The following UBR3 variants were observed in gnomAD, a reference collection of about 807,000 sequenced individuals.
UBR3 encodes ubiquitin protein ligase E3 component n-recognin 3.
In UBR3, 85 loss-of-function variants were observed where a neutral mutation model predicts 243.2. The ratio of observed to expected loss-of-function variants is 0.35; its 90% CI spans 0.29 to 0.42. The LOEUF is 0.42. UBR3 is among the 10% of genes least tolerant of loss of function. The probability of loss-of-function intolerance (pLI) is 1.00; values close to 1 mark genes in which losing one functional copy is unlikely to be tolerated. For synonymous variants in UBR3, 748 were observed against 799.8 expected (o/e 0.94, Z 1.09); for missense variants, 1,686 against 2,300.8 (o/e 0.73, Z 5.47).
Position 170,000,387 on chromosome 2 carries a change from A to T in UBR3, c.3919-917A>T, listed in dbSNP as rs80124070. ...AGAACCACTTCTCCCACTCCGTGGG[A>T]TATAGACTTGAATATTATGTACTGG... On this transcript the variant is annotated intron_variant, in intron 26 of 38. Coordinates refer to ENST00000272793, the MANE Select transcript of UBR3 (RefSeq NM_172070.4). Among the ~76,000 whole-genome samples, 743 of 152,368 alleles carry T rather than the reference A, an allele frequency of 4.9e-3. 5 individuals are homozygous for T. Among genetic ancestry groups the T allele is most frequent in the African/African-American group, 0.016 (670 of 41,590 alleles).
intron 24 of UBR3, among the ~76,000 whole-genome samples, chr2:169,972,531 A>C (rs540366108): frequency 5.9e-5 from 9 of 152,066 alleles, no homozygotes; most frequent in Admixed American, 3.9e-4. Context: ...TACTGGCAAA[A>C]CGAATCCAGC....
intron 1 of UBR3, among the ~76,000 whole-genome samples, chr2:169,851,272 G>A (rs1475504262): frequency 2.6e-5 from 4 of 152,108 alleles, no homozygotes; most frequent in African/African-American, 9.7e-5. Context: ...ACACAGGTGT[G>A]TGCCACCATG....
At chr2:170,054,384 C>T (rs13424575) in intron 32 of UBR3, among the ~76,000 whole-genome samples, 5 of 151,690 alleles carry the variant, frequency 3.3e-5, no homozygotes, top group Middle Eastern at 3.2e-3. Context: ...CGGGTTCAAG[C>T]GATTCTCCTG....
intron 5 of UBR3, among the ~76,000 whole-genome samples, chr2:169,882,248 GTATA>G (rs1419951029): frequency 2.3e-5 from 3 of 129,900 alleles, no homozygotes; most frequent in African/African-American, 8.8e-5. Flanking sequence ...TATTGTATAT[GTATA>G]TATATTTATA....
chr2:169,931,458 AAGATGAAT>A (rs2086127072), intron 18 of UBR3, among the ~76,000 whole-genome samples: 1 of 152,000 alleles, frequency 6.6e-6, no homozygotes, highest in African/African-American at 2.4e-5. Flanking sequence ...CTGATACTTT[AAGATGAAT>A]AGCTTGTTAC....
Position 170,070,353 on chromosome 2 carries a change from G to A in UBR3, c.5020-3075G>A, listed in dbSNP as rs190107643. On this transcript the variant is annotated intron_variant, in intron 35 of 38. Coordinates refer to ENST00000272793, the MANE Select transcript of UBR3 (RefSeq NM_172070.4). ...CTAGGAATAGAAGGGAATTTTCTCAGCCTGATAAAAGAGCATATCAAAAAC... is the reference window on the plus strand; with the variant it reads ...CTAGGAATAGAAGGGAATTTTCTCAACCTGATAAAAGAGCATATCAAAAAC... Among the ~76,000 whole-genome samples, 6 of 152,214 alleles carry A rather than the reference G, an allele frequency of 3.9e-5. No individual in the cohort carries two copies. In the East Asian group the frequency reaches 1.2e-3, roughly 29 times the overall value.
chr2:169,854,594 CTT>C (rs1471761922), intron 1 of UBR3, among the ~76,000 whole-genome samples: 1 of 151,966 alleles, frequency 6.6e-6, no homozygotes, highest in Non-Finnish European at 1.5e-5. Flanking sequence ...ATATTATAAA[CTT>C]ACATACACAG....
intron 30 of UBR3, chr2:170,017,006 CAT>C (rs994757450): frequency 1.4e-3 from 286 of 209,398 alleles, no homozygotes; most frequent in South Asian, 2.4e-3. Flanking sequence ...GCCTGTAAGT[CAT>C]ATATATATAT....
In UBR3 at chr2:170,082,049, C is replaced by T. The variant is rs1468695684; in HGVS notation, c.*206C>T. The T allele has an allele frequency of 2.6e-6, 1 of 380,140 alleles. No individual in the cohort carries two copies. The highest frequency in any genetic ancestry group is 2.1e-5 in the African/African-American group (1 of 47,734). The allele number at this position is 380,140 out of a possible 1,614,324, so 23.5% of individuals were successfully genotyped here. On this transcript the variant is annotated 3_prime_UTR_variant, in exon 39 of 39. Coordinates refer to ENST00000272793, the MANE Select transcript of UBR3 (RefSeq NM_172070.4). ...TTTAATATCTGGAGAACATTAATAA[C>T]AAGTTAAATTATTCTTTAGTGGTCA... is the stretch of plus-strand genomic sequence containing the variant.
intron 18 of UBR3, 29 bp from the exon 19 acceptor site, chr2:169,932,880 AGTC>A (rs992431267): frequency 6.8e-7 from 1 of 1,473,148 alleles, no homozygotes; most frequent in African/African-American, 1.4e-5. Flanking sequence ...ATTTCTGAGA[AGTC>A]AATGTTTCTA....
intron 1 of UBR3, among the ~76,000 whole-genome samples, chr2:169,832,594 A>G (rs2081974459): frequency 6.6e-6 from 1 of 151,092 alleles, no homozygotes; most frequent in South Asian, 2.1e-4. Flanking sequence ...AACTGTATGT[A>G]TAACTACAGT....
At chr2:169,880,868 T>C (rs1390719798) in intron 5 of UBR3, among the ~76,000 whole-genome samples, 1 of 152,150 alleles carries the variant, frequency 6.6e-6, no homozygotes, top group African/African-American at 2.4e-5. Flanking sequence ...GGTATTTGGT[T>C]TTCTGTTCCT....
At chr2:169,989,268 A>C (rs926517322) in intron 25 of UBR3, among the ~76,000 whole-genome samples, 1 of 152,086 alleles carries the variant, frequency 6.6e-6, no homozygotes, top group African/African-American at 2.4e-5. Context: ...CAGTGTTTAA[A>C]ATTTTCCCAT....
chr2:170,046,638 G>C (rs2091095943), intron 32 of UBR3, among the ~76,000 whole-genome samples: 1 of 152,178 alleles, frequency 6.6e-6, no homozygotes, highest in South Asian at 2.1e-4. Flanking sequence ...TTATGTGACA[G>C]TAGAAGCTAT....
Position 169,928,577 on chromosome 2 carries a change from TTG to T in UBR3, c.2425-148_2425-147del, listed in dbSNP as rs1337059016. ...ATTAAAAACAGTTATTATTGATCTGTTGTATTATATAGCCCTCTTGTGGCCAG... is the reference window on the plus strand; with the variant it reads ...ATTAAAAACAGTTATTATTGATCTGTTATTATATAGCCCTCTTGTGGCCAG... On this transcript the variant is annotated intron_variant, in intron 17 of 38. Coordinates refer to ENST00000272793, the MANE Select transcript of UBR3 (RefSeq NM_172070.4). 3.5e-5 allele frequency: 16 copies of T among 463,532 alleles called. No homozygotes were observed. The Admixed American group carries it at 3.5e-4, about 10-fold the overall frequency. 28.7% of individuals were successfully genotyped at this position (463,532 alleles called of 1,614,324 possible). A position where few individuals can be genotyped will look rare whatever the true frequency, so the allele number is the denominator to read the frequency against.
intron 10 of UBR3, among the ~76,000 whole-genome samples, chr2:169,908,880 G>A (rs1376431478): frequency 6.7e-6 from 1 of 148,386 alleles, no homozygotes; most frequent in African/African-American, 2.5e-5. Flanking sequence ...CTGGAATGCA[G>A]TGGCACAATC....
At chr2:169,962,327 G>A (rs150547188) in intron 24 of UBR3, among the ~76,000 whole-genome samples, 1 of 150,934 alleles carries the variant, frequency 6.6e-6, no homozygotes, top group Non-Finnish European at 1.5e-5. Context: ...CTTCTGCCTC[G>A]GCCTCCCAAA....
intron 25 of UBR3, among the ~76,000 whole-genome samples, chr2:169,992,968 C>T (rs1270330827): frequency 6.9e-6 from 1 of 145,580 alleles, no homozygotes; most frequent in African/African-American, 2.5e-5. Context: ...GTCATGTTGG[C>T]CAGGCCGGTC....
chr2:169,915,707 G>C (rs1432647870), intron 11 of UBR3, among the ~76,000 whole-genome samples: 1 of 152,186 alleles, frequency 6.6e-6, no homozygotes, highest in Non-Finnish European at 1.5e-5. Context: ...TTGATCACTT[G>C]ATTAGGGTGG....
Sources: allele counts gnomAD v4.1 joint callset (sites outside exome capture counted in the v4.1 genomes callset), GRCh38; gene constraint gnomAD v4.1.1; transcripts MANE v1.5; gene names NCBI Gene and HGNC (gene_info 2026-07-23, HGNC 2026-07-21).